KIF4A: variants seen among roughly 807,000 people sequenced by gnomAD.
The protein encoded by KIF4A is kinesin family member 4A.
In KIF4A, 7 loss-of-function variants were observed where a neutral mutation model predicts 105.9. That is an observed-to-expected ratio of 0.07 (90% confidence interval 0.04 to 0.12). KIF4A has a LOEUF of 0.12. Among genes scored for constraint, KIF4A ranks in the 10% least tolerant of loss-of-function variants. The pLI, the probability that KIF4A is intolerant of heterozygous loss-of-function variation, is 1.00. For synonymous variants in KIF4A, 281 were observed against 331.3 expected (o/e 0.85, Z 1.65); for missense variants, 558 against 929.2 (o/e 0.60, Z 5.19).
At chrX:70,347,930 G>A (rs1055135071) in intron 13 of KIF4A, among the ~76,000 whole-genome samples, 4 of 73,114 alleles carry the variant, frequency 5.5e-5, no homozygotes, top group Admixed American at 1.8e-4. Context: ...AGCCGAGATC[G>A]CGCCACTGCA....
chrX:70,330,480 T>C (rs1397896319), intron 9 of KIF4A, 148 bp downstream of exon 9: 1 of 499,790 alleles, frequency 2.0e-6, no homozygotes, highest in Admixed American at 4.0e-5. Context: ...ATAACTCCTA[T>C]TAACGTGTTT....
chrX:70,305,597 C>G (rs761055868), intron 7 of KIF4A, among the ~76,000 whole-genome samples: 1 of 112,338 alleles, frequency 8.9e-6, no homozygotes, highest in Admixed American at 9.4e-5. Context: ...CCATTCATCC[C>G]TTGATGGACA....
intron 18 of KIF4A, among the ~76,000 whole-genome samples, chrX:70,379,792 GAAAA>G (rs772896645): frequency 2.9e-5 from 2 of 67,931 alleles, no homozygotes; most frequent in Admixed American, 3.6e-4. Context: ...TTCTGTCTCA[GAAAA>G]AAAAAAAAAA....
intron 13 of KIF4A, among the ~76,000 whole-genome samples, chrX:70,352,113 TAAA>T (rs1019596022): frequency 2.7e-5 from 3 of 112,267 alleles, no homozygotes; most frequent in Non-Finnish European, 5.6e-5. Context: ...ACTATAAAAA[TAAA>T]AAATAACCAT....
chrX:70,378,550 G>A (rs1429453322), intron 18 of KIF4A, among the ~76,000 whole-genome samples: 1 of 109,139 alleles, frequency 9.2e-6, no homozygotes, highest in Non-Finnish European at 1.9e-5. Flanking sequence ...GTAACATGGA[G>A]AAACCCTCTC....
At chrX:70,365,671 C>T (rs1230682660) in intron 15 of KIF4A, among the ~76,000 whole-genome samples, 2 of 111,091 alleles carry the variant, frequency 1.8e-5, no homozygotes, top group Non-Finnish European at 3.8e-5. Flanking sequence ...ATTTTTGCAT[C>T]GATGTTCATC....
chrX:70,335,905 C>T (rs894594767), intron 10 of KIF4A, among the ~76,000 whole-genome samples: 1 of 111,617 alleles, frequency 9.0e-6, no homozygotes, highest in African/African-American at 3.3e-5. Context: ...CCTCTCCATC[C>T]CTGCAACTCT....
intron 11 of KIF4A, among the ~76,000 whole-genome samples, 159 bp downstream of exon 11, chrX:70,342,090 G>T (rs1458537231): frequency 7.1e-5 from 8 of 112,337 alleles, no homozygotes; most frequent in African/African-American, 2.3e-4. Flanking sequence ...TAAATATGTG[G>T]GCTTATAATC....
chrX:70,412,938 A>G (rs75130555), intron 28 of KIF4A, among the ~76,000 whole-genome samples: 2 of 33,372 alleles, frequency 6.0e-5, no homozygotes, highest in Non-Finnish European at 1.4e-4. Flanking sequence ...AAAAAAAAAA[A>G]GAAGGGCATT....
chrX:70,322,085 C>T (rs1330290952), intron 7 of KIF4A, among the ~76,000 whole-genome samples: 1 of 109,784 alleles, frequency 9.1e-6, no homozygotes, highest in Non-Finnish European at 1.9e-5. Flanking sequence ...ACCCTGTCAC[C>T]CTCCCCCCCC....
intron 10 of KIF4A, among the ~76,000 whole-genome samples, chrX:70,340,543 G>T (rs947080315): frequency 2.8e-5 from 3 of 108,893 alleles, no homozygotes; most frequent in African/African-American, 1.1e-4. Context: ...GTTTAATAAA[G>T]AAATAACGAA....
intron 15 of KIF4A, among the ~76,000 whole-genome samples, chrX:70,366,183 T>C (rs918981729): frequency 9.0e-6 from 1 of 111,622 alleles, no homozygotes; most frequent in Admixed American, 9.5e-5. Context: ...ATTTTGTTGA[T>C]CTTTTCAAAA....
chrX:70,395,642 A>G (rs200309307), intron 20 of KIF4A, 29 bp from the exon 21 acceptor site: 146 of 1,208,080 alleles, frequency 1.2e-4, no homozygotes, highest in Non-Finnish European at 1.6e-4. Context: ...CCTCATCCCT[A>G]ACACAGACAT....
At chrX:70,418,110 T>G in intron 29 of KIF4A, 106 bp downstream of exon 29, 3 of 567,252 alleles carry the variant, frequency 5.3e-6, no homozygotes, top group Non-Finnish European at 8.5e-6. Flanking sequence ...TGCACAGCTC[T>G]TCCAACCCTT....
At chrX:70,417,669 G>A (rs141636267) in intron 28 of KIF4A, among the ~76,000 whole-genome samples, 1,853 of 111,888 alleles carry the variant, frequency 0.017, 37 homozygotes, top group African/African-American at 0.056. Context: ...AAAAGAAAAG[G>A]AAATGGATTT....
rs199503973 is a variant in KIF4A, at chrX:70,299,193, A to C, written c.507A>C (p.Glu169Asp). 1 of 1,198,759 alleles carries C rather than the reference A, an allele frequency of 8.3e-7. No individual in the cohort carries two copies. The highest frequency in any genetic ancestry group is 3.0e-5 in the East Asian group (1 of 33,666). The change falls in exon 5 of 31, where the codon GAA (glutamate) becomes GAC (aspartate). Residue 169 changes from glutamate (E) to aspartate (D), a missense_variant. Physicochemically the swap from Glu to Asp is conservative, Grantham distance 45 (BLOSUM62 2). Around this residue, in one of 2 missense-constraint regions of KIF4A, gnomAD observed 89 missense variants for 248.8 expected, o/e 0.36. Transcript: ENST00000374403. The stretch of plus-strand genomic sequence containing the variant: ...TAAATATACGAGAGGATCCTAAGGA[A>C]GGCATAAAGGTGTGTTTGTCTCTCA... The part of the protein sequence containing the change: ...AQINIREDPK[E>D]GIKIVGLTEK...
chrX:70,320,126 T>G (rs1342786561), intron 7 of KIF4A, among the ~76,000 whole-genome samples: 1 of 111,942 alleles, frequency 8.9e-6, no homozygotes, highest in Non-Finnish European at 1.9e-5. Flanking sequence ...TCCATTAATC[T>G]AATTGCACCC....
At chrX:70,381,560 A>G (rs1390042029) in intron 18 of KIF4A, among the ~76,000 whole-genome samples, 1 of 112,190 alleles carries the variant, frequency 8.9e-6, no homozygotes, top group African/African-American at 3.2e-5. Context: ...AAGAAAGAAA[A>G]CAATTCCATT....
chrX:70,303,253 T>C (rs2085811437), intron 7 of KIF4A, among the ~76,000 whole-genome samples: 1 of 112,154 alleles, frequency 8.9e-6, no homozygotes, highest in Non-Finnish European at 1.9e-5. Flanking sequence ...TGAAATTGCA[T>C]CTGCCCAGTC....
Sources: gnomAD v4.1 joint callset for allele counts (sites outside exome capture counted in the v4.1 genomes callset) on GRCh38, gnomAD v4.1.1 for gene constraint, gnomAD v4.1.1 regional missense constraint, MANE v1.5 for transcripts, NCBI Gene and HGNC (gene_info 2026-07-23, HGNC 2026-07-21) for gene names.